CTNNA2: variants seen among roughly 807,000 people sequenced by gnomAD.
CTNNA2 encodes catenin alpha-2.
A neutral mutation model predicts 101.0 loss-of-function variants in CTNNA2; 42 were observed. The observed-to-expected ratio is 0.42, with a 90% CI of 0.32 to 0.54. The LOEUF is 0.54. Ranked by LOEUF, CTNNA2 falls within the 20% of genes least tolerant of loss-of-function variation. The pLI is 0.14. For missense variants in CTNNA2, 871 were observed against 1,223.1 expected, an observed-to-expected ratio of 0.71 and a Z score of 4.29; for synonymous variants, 450 against 456.4, an observed-to-expected ratio of 0.99 and a Z score of 0.18.
chr2:80,381,764 G>A (rs1233127126), intron 7 of CTNNA2, among the ~76,000 whole-genome samples: 4 of 152,122 alleles, frequency 2.6e-5, no homozygotes, highest in South Asian at 4.1e-4. Flanking sequence ...AATGGGAAAG[G>A]TCCTAGGTGT....
At chr2:80,583,872 C>A (rs1695749440) in intron 14 of CTNNA2, among the ~76,000 whole-genome samples, 1 of 152,014 alleles carries the variant, frequency 6.6e-6, no homozygotes, top group Non-Finnish European at 1.5e-5. Context: ...GAGTTTTTTT[C>A]AGCATGAATT....
intron 1 of CTNNA2, among the ~76,000 whole-genome samples, chr2:79,599,348 A>T (rs1256837792): frequency 2.0e-5 from 3 of 152,206 alleles, no homozygotes; most frequent in Non-Finnish European, 4.4e-5. Flanking sequence ...AGTATTAAGG[A>T]TATAAACAGA....
At chr2:80,221,137 C>A (rs1708552733) in intron 7 of CTNNA2, among the ~76,000 whole-genome samples, 1 of 152,208 alleles carries the variant, frequency 6.6e-6, no homozygotes, top group African/African-American at 2.4e-5. Flanking sequence ...CCTCCCTCGG[C>A]CTCCCAAAGT....
Position 79,187,263 on chromosome 2 carries a change from TTCTTTTC to T in CTNNA2, c.-524+1834_-524+1840del, listed in dbSNP as rs1285572403. 7.9e-4 allele frequency among the ~76,000 whole-genome samples: 79 copies of T among 99,940 alleles called. No individual in the cohort carries two copies. The East Asian group carries it at 0.01, about 13-fold the overall frequency. The allele number at this position is 99,940 out of a possible 152,430, so 65.6% of individuals were successfully genotyped here. A position where few individuals can be genotyped will look rare whatever the true frequency, so the allele number is the denominator to read the frequency against. On this transcript the variant is annotated intron_variant, in intron 1 of 21. Coordinates refer to the CTNNA2 transcript ENST00000466387. The stretch of plus-strand genomic sequence containing the variant: ...TTCTTTTCTTTTCTTTTCTTTTCTT[TTCTTTTC>T]TTTTTTTTTTTTTTTTTGAGACAGA...
chr2:79,884,408 C>T (rs1307708054), intron 6 of CTNNA2, among the ~76,000 whole-genome samples: 1 of 152,172 alleles, frequency 6.6e-6, no homozygotes, highest in Non-Finnish European at 1.5e-5. Context: ...CGGTTCCTCC[C>T]TGCTCCTCAG....
intron 7 of CTNNA2, among the ~76,000 whole-genome samples, chr2:80,105,731 C>A (rs1296038269): frequency 2.0e-5 from 3 of 150,522 alleles, no homozygotes; most frequent in Non-Finnish European, 4.4e-5. Flanking sequence ...GAGATCTTGT[C>A]TCAAAAAAAA....
intron 9 of CTNNA2, among the ~76,000 whole-genome samples, chr2:80,472,102 A>G (rs1685353114): frequency 6.7e-6 from 1 of 149,162 alleles, no homozygotes; most frequent in Admixed American, 6.7e-5. Context: ...CCTGGGTGAC[A>G]GAGCGAGACT....
intron 7 of CTNNA2, among the ~76,000 whole-genome samples, chr2:80,336,316 G>A (rs905319032): frequency 6.6e-6 from 1 of 152,048 alleles, no homozygotes; most frequent in Non-Finnish European, 1.5e-5. Flanking sequence ...GGGCTCTGAG[G>A]CCTCATCTCC....
At chr2:80,099,878 G>A (rs539060660) in intron 7 of CTNNA2, among the ~76,000 whole-genome samples, 8 of 152,106 alleles carry the variant, frequency 5.3e-5, no homozygotes, top group East Asian at 3.9e-4. Flanking sequence ...TACTGGGCCC[G>A]ACCCTAGAAC....
intron 7 of CTNNA2, among the ~76,000 whole-genome samples, chr2:79,997,292 A>AGAAG (rs992159760): frequency 2.6e-5 from 4 of 151,748 alleles, no homozygotes; most frequent in Non-Finnish European, 4.4e-5. Flanking sequence ...GTTTATTTCT[A>AGAAG]GAAGGAAGGA....
intron 4 of CTNNA2, among the ~76,000 whole-genome samples, chr2:79,387,079 A>G (rs537133508): frequency 6.6e-6 from 1 of 152,130 alleles, no homozygotes; most frequent in South Asian, 2.1e-4. Flanking sequence ...TTTTGAAATG[A>G]TTTACTTTAC....
intron 12 of CTNNA2, among the ~76,000 whole-genome samples, chr2:80,563,582 G>T (rs1458283117): frequency 6.6e-6 from 1 of 152,102 alleles, no homozygotes; most frequent in East Asian, 1.9e-4. Context: ...TGCTATACTG[G>T]CTAGAGTGGT....
chr2:79,997,754 G>A (rs752881052), intron 7 of CTNNA2, among the ~76,000 whole-genome samples: 2 of 152,074 alleles, frequency 1.3e-5, no homozygotes, highest in Non-Finnish European at 2.9e-5. Flanking sequence ...TTATAAATCG[G>A]CCACTGTTAG....
At chr2:79,694,333 A>T (rs879552086) in intron 2 of CTNNA2, among the ~76,000 whole-genome samples, 16 of 151,986 alleles carry the variant, frequency 1.1e-4, no homozygotes, top group Admixed American at 2.0e-4. Flanking sequence ...AAAACACTCA[A>T]CCATTTGATT....
Position 79,790,392 on chromosome 2 carries a change from A to G in CTNNA2, c.298+45810A>G, listed in dbSNP as rs187490272. 2.1e-3 allele frequency among the ~76,000 whole-genome samples: 322 copies of G among 152,218 alleles called. 8 individuals carry two copies. The highest frequency in any genetic ancestry group is 8.2e-4 in the Non-Finnish European group (56 of 68,000). Reference sequence around the variant, plus strand: ...TACTGAAAATTGCTCTTTGCCAGTTAAGAGAATAATTGGTAACCTTTGTGA... The same window carrying G: ...TACTGAAAATTGCTCTTTGCCAGTTGAGAGAATAATTGGTAACCTTTGTGA... On this transcript the variant is annotated intron_variant, in intron 3 of 18. Transcript: ENST00000402739.
intron 9 of CTNNA2, among the ~76,000 whole-genome samples, chr2:80,530,629 G>T (rs1303735617): frequency 6.6e-6 from 1 of 152,190 alleles, no homozygotes; most frequent in African/African-American, 2.4e-5. Flanking sequence ...GTCATATAAA[G>T]AAAGCAGAAC....
chr2:79,302,246 C>T (rs1234969947), intron 2 of CTNNA2, among the ~76,000 whole-genome samples: 2 of 152,118 alleles, frequency 1.3e-5, no homozygotes, highest in Admixed American at 6.6e-5. Flanking sequence ...TTTCCCATTC[C>T]TCTCTTCTCT....
chr2:80,102,798 C>A (rs1700623359), intron 7 of CTNNA2, among the ~76,000 whole-genome samples: 1 of 152,166 alleles, frequency 6.6e-6, no homozygotes, highest in African/African-American at 2.4e-5. Flanking sequence ...AGATGTGAGC[C>A]ACTGCACCCT....
intron 9 of CTNNA2, among the ~76,000 whole-genome samples, chr2:80,467,445 T>C (rs1307197097): frequency 6.6e-6 from 1 of 152,170 alleles, no homozygotes; most frequent in Non-Finnish European, 1.5e-5. Flanking sequence ...AACTTCTTTG[T>C]ACTATTTTTG....
Sources: allele counts gnomAD v4.1 joint callset (sites outside exome capture counted in the v4.1 genomes callset), GRCh38; gene constraint gnomAD v4.1.1; transcripts MANE v1.5; gene names NCBI Gene and HGNC (gene_info 2026-07-23, HGNC 2026-07-21).